ZHX2: variants seen among roughly 807,000 people sequenced by gnomAD.
The protein encoded by ZHX2 is zinc fingers and homeoboxes protein 2.
Under a neutral mutation model 21.9 loss-of-function variants are expected in ZHX2, and 6 were observed. The ratio of observed to expected loss-of-function variants is 0.27; its 90% confidence interval spans 0.15 to 0.54. The LOEUF is 0.54. Among genes scored for constraint, ZHX2 ranks in the 20% least tolerant of loss-of-function variants. The pLI is 0.95. For synonymous variants in ZHX2, 434 were observed against 437.1 expected (o/e 0.99, Z 0.09); for missense variants, 908 against 1,090.7 (o/e 0.83, Z 2.36).
In ZHX2 at chr8:122,806,726, T is replaced by C. The variant is rs1817832498; in HGVS notation, c.-283+24780T>C. On this transcript the variant is annotated intron_variant, in intron 1 of 3. Transcript: ENST00000314393. ...TAGTTGTAGGAGAGTGACTGTCCCA[T>C]TTGACACTGAAGAATAGTCATTTTA... 2.6e-5 allele frequency among the ~76,000 whole-genome samples: 4 copies of C among 152,214 alleles called. No homozygotes were observed. The South Asian group carries it at 8.3e-4, about 32-fold the overall frequency.
rs1489425183 is a variant in ZHX2 at position 122,828,161 on chromosome 8, G to A, written c.-282-35316G>A. Among the ~76,000 whole-genome samples the A allele has an allele frequency of 2.0e-5, 3 of 152,092 alleles. No homozygotes were observed. Among genetic ancestry groups the A allele is most frequent in the African/African-American group, 4.8e-5 (2 of 41,408 alleles). ...GCTGGCTCGCAGGAGAGACCTAAGG[G>A]CACCTAGACAGCACTGGCCAGGAGA... On this transcript the variant is annotated intron_variant, in intron 1 of 3. Transcript: ENST00000314393. The surrounding 1 kb of genome is among the most constrained non-coding windows in gnomAD (Gnocchi z 5.2).
intron 1 of ZHX2, among the ~76,000 whole-genome samples, chr8:122,799,967 C>T (rs879775159): frequency 1.3e-5 from 2 of 152,116 alleles, no homozygotes; most frequent in Admixed American, 6.5e-5. Flanking sequence ...AAACGATTCT[C>T]CTGCCTCAGC....
rs1246463444 is a variant in ZHX2 at position 122,781,767 on chromosome 8, T to TTCTG, written c.-449_-446dup. On this transcript the variant is annotated 5_prime_UTR_variant, in exon 1 of 4. Transcript: ENST00000314393. This position sits in a 1 kb window ranked among gnomAD's most constrained non-coding sequence, Gnocchi z 4.6. ...CCATCGTTCTCCGTACGGGGGCTTTTTCTGTCTGTCTGTCTGGCTGGCAGG... is the reference window on the plus strand; with the variant it reads ...CCATCGTTCTCCGTACGGGGGCTTTTTCTGTCTGTCTGTCTGTCTGGCTGGCAGG... 6.6e-6 allele frequency: 1 copy of TTCTG among 152,380 alleles called. No homozygotes were observed. Among genetic ancestry groups the TTCTG allele is most frequent in the Admixed American group, 6.5e-5 (1 of 15,282 alleles). The allele number at this position is 152,380 out of a possible 1,614,324, so 9.4% of individuals were successfully genotyped here. A position where few individuals can be genotyped will look rare whatever the true frequency, so the allele number is the denominator to read the frequency against.
chr8:122,952,759 G>A lies in ZHX2; in HGVS notation c.1249G>A (p.Glu417Lys), dbSNP rs759251479. Reference sequence around the variant, plus strand: ...CTTGGTGACTCCCCAAGCTGCCCCCGAACCCAAGCGTCCACACATCGCTCA... The same window carrying A: ...CTTGGTGACTCCCCAAGCTGCCCCCAAACCCAAGCGTCCACACATCGCTCA... ...RPLVTPQAAP[E>K]PKRPHIAQVP... The change falls in exon 3 of 4, where the codon GAA (glutamate) becomes AAA (lysine). Residue 417 changes from glutamate (E) to lysine (K), a missense_variant. Glu to Lys is a moderately conservative substitution (Grantham distance 56). Around this residue, in one of 4 missense-constraint regions of ZHX2, gnomAD observed 232 missense variants for 361.8 expected, o/e 0.64. Transcript: ENST00000314393. This position sits in a 1 kb window ranked among gnomAD's most constrained non-coding sequence, Gnocchi z 6.9. 2.5e-5 allele frequency: 41 copies of A among 1,613,828 alleles called. No homozygotes were observed. Among genetic ancestry groups the A allele is most frequent in the African/African-American group, 6.7e-5 (5 of 74,858 alleles).
At chr8:122,921,577 C>T (rs1043515831) in intron 2 of ZHX2, among the ~76,000 whole-genome samples, 5 of 151,018 alleles carry the variant, frequency 3.3e-5, no homozygotes, top group African/African-American at 1.2e-4. Context: ...TTTGGGAGGC[C>T]AAGGTGGGAG....
intron 1 of ZHX2, among the ~76,000 whole-genome samples, chr8:122,836,356 G>A (rs1477670649): frequency 1.3e-5 from 2 of 152,212 alleles, no homozygotes; most frequent in African/African-American, 4.8e-5. Flanking sequence ...TGGAGGCTGA[G>A]GAGCTTCCTT....
rs541381752 is a variant in ZHX2, at chr8:122,815,178, C to T, written c.-283+33232C>T. On this transcript the variant is annotated intron_variant, in intron 1 of 3. Coordinates refer to ENST00000314393, the MANE Select transcript of ZHX2 (RefSeq NM_014943.5). ...ATTTTTATACAAATCTTAATAGTTCCCATTTATTGTACGTACCACGGGCCA... is the reference window on the plus strand; with the variant it reads ...ATTTTTATACAAATCTTAATAGTTCTCATTTATTGTACGTACCACGGGCCA... 3.9e-4 allele frequency among the ~76,000 whole-genome samples: 59 copies of T among 152,256 alleles called. 1 individual carries two copies. In the South Asian group the frequency reaches 0.012, roughly 31 times the overall value.
chr8:122,887,050 C>CGT (rs10549696), intron 2 of ZHX2, among the ~76,000 whole-genome samples: 1,571 of 136,402 alleles, frequency 0.012, 20 homozygotes, highest in East Asian at 0.031. Context: ...GCTCTGCCAC[C>CGT]GTGTGTGTGT....
intron 2 of ZHX2, among the ~76,000 whole-genome samples, chr8:122,900,334 G>T (rs1030778425): frequency 6.6e-6 from 1 of 152,166 alleles, no homozygotes; most frequent in Non-Finnish European, 1.5e-5. Flanking sequence ...CATGGTGAGG[G>T]AGAAAGCAAG....
At chr8:122,955,877 C>G (rs1344287877) in intron 3 of ZHX2, among the ~76,000 whole-genome samples, 2 of 133,256 alleles carry the variant, frequency 1.5e-5, no homozygotes, top group Non-Finnish European at 3.2e-5. Flanking sequence ...CAGAGTCTCA[C>G]TCTGTTGCCC....
At chr8:122,949,955 C>A (rs1320296238) in intron 2 of ZHX2, among the ~76,000 whole-genome samples, 4 of 152,098 alleles carry the variant, frequency 2.6e-5, no homozygotes, top group African/African-American at 9.7e-5. Flanking sequence ...GGCTTTTTAA[C>A]AGTAGTATTT....
At chr8:122,884,621 G>T (rs1474819701) in intron 2 of ZHX2, among the ~76,000 whole-genome samples, 3 of 152,188 alleles carry the variant, frequency 2.0e-5, no homozygotes, top group African/African-American at 7.2e-5. Flanking sequence ...AGCAACTCCC[G>T]CAAGTATCGT....
At chr8:122,941,617 C>G (rs1201720649) in intron 2 of ZHX2, among the ~76,000 whole-genome samples, 1 of 151,730 alleles carries the variant, frequency 6.6e-6, no homozygotes, top group Non-Finnish European at 1.5e-5. Context: ...TTATTCTACT[C>G]TTCGGCATGG....
intron 3 of ZHX2, among the ~76,000 whole-genome samples, chr8:122,956,356 G>C (rs1430779474): frequency 1.3e-5 from 2 of 152,196 alleles, no homozygotes; most frequent in African/African-American, 2.4e-5. Context: ...GCTCGGGCAG[G>C]CCAAGGAGAG....
chr8:122,843,569 G>A (rs558127773), intron 1 of ZHX2, among the ~76,000 whole-genome samples: 1 of 152,304 alleles, frequency 6.6e-6, no homozygotes, highest in South Asian at 2.1e-4. Flanking sequence ...GTGTAAACAG[G>A]GATTGTTGCA....
At chr8:122,838,589 T>C (rs1056248479) in intron 1 of ZHX2, among the ~76,000 whole-genome samples, 21 of 149,832 alleles carry the variant, frequency 1.4e-4, no homozygotes, top group Non-Finnish European at 3.0e-4. Context: ...TTTTTTTTTT[T>C]TTTTTGAGAC....
intron 2 of ZHX2, among the ~76,000 whole-genome samples, chr8:122,869,872 A>G (rs1819388820): frequency 1.3e-5 from 2 of 152,204 alleles, no homozygotes; most frequent in African/African-American, 4.8e-5. Context: ...AGTTAGGATG[A>G]CTAAATGAGT....
At chr8:122,865,556 G>A (rs1563759611) in intron 2 of ZHX2, among the ~76,000 whole-genome samples, 1 of 152,188 alleles carries the variant, frequency 6.6e-6, no homozygotes, top group African/African-American at 2.4e-5. Flanking sequence ...AGGCAGCCCA[G>A]GGAGGCAATG....
intron 1 of ZHX2, among the ~76,000 whole-genome samples, chr8:122,825,082 C>A (rs1818236009): frequency 6.6e-6 from 1 of 152,202 alleles, no homozygotes; most frequent in South Asian, 2.1e-4. Flanking sequence ...AGATCCTGAA[C>A]CTAATCGCAT....
Sources: gnomAD v4.1 joint callset for allele counts (sites outside exome capture counted in the v4.1 genomes callset) on GRCh38, gnomAD v4.1.1 for gene constraint, gnomAD v4.1.1 regional missense constraint, Gnocchi (gnomAD v3.1) non-coding constraint, MANE v1.5 for transcripts, NCBI Gene and HGNC (gene_info 2026-07-23, HGNC 2026-07-21) for gene names.